Variants in ARHGEF11 observed in about 807,000 individuals in gnomAD.
The protein encoded by ARHGEF11 is Rho guanine nucleotide exchange factor 11, also known as Rho guanine exchange factor (GEF) 11.
A neutral mutation model predicts 193.7 loss-of-function variants in ARHGEF11; 55 were observed. The observed-to-expected ratio is 0.28, with a 90% confidence interval of 0.23 to 0.36. The LOEUF is 0.36. Among genes scored for constraint, ARHGEF11 ranks in the 10% least tolerant of loss-of-function variants. The pLI, the probability that ARHGEF11 is intolerant of heterozygous loss-of-function variation, is 1.00. For missense variants in ARHGEF11, 1,723 were observed against 2,005.6 expected, an observed-to-expected ratio of 0.86 and a Z score of 2.69; for synonymous variants, 693 against 768.0, an observed-to-expected ratio of 0.90 and a Z score of 1.62.
At chr1:157,043,935 T>C (rs1379135202) in intron 1 of ARHGEF11, among the ~76,000 whole-genome samples, 1 of 152,052 alleles carries the variant, frequency 6.6e-6, no homozygotes, top group African/African-American at 2.4e-5. Flanking sequence ...CTAAAGCCAG[T>C]CCCCCTAGTG....
chr1:156,986,146 A>T lies in ARHGEF11; in HGVS notation c.60T>A (p.Asp20Glu). The change falls in exon 2 of 41, where the codon GAT becomes GAA. Residue 20 changes from aspartate (D) to glutamate (E), a missense_variant. By Grantham distance (45) the Asp-to-Glu change is conservative. Around this residue, in one of 5 missense-constraint regions of ARHGEF11, gnomAD observed 646 missense variants for 710.7 expected, o/e 0.91. Transcript: ENST00000368194. The stretch of plus-strand genomic sequence containing the variant: ...AAGGGGACTTGCGCTCTGGTGCAGA[A>T]TCTCCCAGAGAAGACAGGCTACTTA... ...DRLSSLSSLG[D>E]SAPERKSPSH... 7 of 1,613,934 alleles carry T rather than the reference A, an allele frequency of 4.3e-6. No individual in the cohort carries two copies. Among genetic ancestry groups the T allele is most frequent in the Non-Finnish European group, 5.9e-6 (7 of 1,179,872 alleles).
Position 156,937,309 on chromosome 1 carries a change from CCT to C in ARHGEF11, c.4378_4379del (p.Arg1460GlyfsTer10), listed in dbSNP as rs1447847672. On this transcript the variant is annotated frameshift_variant, in exon 39 of 41. Coordinates refer to ENST00000368194, the MANE Select transcript of ARHGEF11 (RefSeq NM_198236.3). LOFTEE classifies it high-confidence loss of function. ...PSRSPPSLAL[R>X]DVGMIFHTIE... is the part of the protein sequence containing the mutation. Reference sequence around the variant, plus strand: ...TGGTATGGAAGATCATGCCCACGTCCCTGAGGGCCAGGCTTGGAGGAGAGCGG... The same window carrying C: ...TGGTATGGAAGATCATGCCCACGTCCGAGGGCCAGGCTTGGAGGAGAGCGG... The C allele has an allele frequency of 6.2e-7, 1 of 1,613,814 alleles. No homozygotes were observed. Among genetic ancestry groups the C allele is most frequent in the Non-Finnish European group, 8.5e-7 (1 of 1,179,944 alleles).
At position 156,937,362 on chromosome 1, in the gene ARHGEF11, C is replaced by T; in HGVS notation, c.4327G>A (p.Gly1443Ser). The T allele has an allele frequency of 6.2e-7, 1 of 1,611,736 alleles. No homozygotes were observed. Among genetic ancestry groups the T allele is most frequent in the Non-Finnish European group, 8.5e-7 (1 of 1,178,876 alleles). The change falls in exon 39 of 41, where the codon GGC becomes AGC. Residue 1443 changes from glycine (G) to serine (S), a missense_variant. Physicochemically the swap from Gly to Ser is moderately conservative, Grantham distance 56 (BLOSUM62 0). Coordinates refer to ENST00000368194, the MANE Select transcript of ARHGEF11 (RefSeq NM_198236.3). ...CTGGGGCGTCTTGGATCATCGTTGC[C>T]TCCCTGCAGCTGAGGCTGAGGCTCT... ...QTEPQPQLQG[G>S]NDDPRRPSRS...
chr1:156,937,095 G>A, intron 39 of ARHGEF11, 90 bp from the exon 40 acceptor site: 1 of 1,567,400 alleles, frequency 6.4e-7, no homozygotes, highest in Non-Finnish European at 8.7e-7. Flanking sequence ...TGGGGAGGAG[G>A]GTGTGATTTA....
intron 1 of ARHGEF11, among the ~76,000 whole-genome samples, chr1:157,017,139 C>T (rs866770169): frequency 1.3e-5 from 2 of 152,224 alleles, no homozygotes; most frequent in Non-Finnish European, 1.5e-5. Flanking sequence ...TGGAACTTCC[C>T]CAGATAGCTC....
chr1:156,952,701 T>C (rs1659300116), intron 21 of ARHGEF11, among the ~76,000 whole-genome samples: 1 of 152,286 alleles, frequency 6.6e-6, no homozygotes. Flanking sequence ...GCTGCTGTCT[T>C]CACAGTTTAC....
chr1:156,967,955 G>C (rs1357250925), intron 11 of ARHGEF11, 32 bp downstream of exon 11: 2 of 1,612,978 alleles, frequency 1.2e-6, no homozygotes, highest in Non-Finnish European at 1.7e-6. Flanking sequence ...TCTGAGAAAA[G>C]GAAAACTGCA....
At chr1:156,981,477 GGTTT>G (rs375330781) in intron 3 of ARHGEF11, among the ~76,000 whole-genome samples, 125 of 152,144 alleles carry the variant, frequency 8.2e-4, no homozygotes, top group African/African-American at 2.8e-3. Context: ...ACCACAATAT[GGTTT>G]GTTTGTTTGT....
At chr1:157,018,988 T>A (rs1669633291) in intron 1 of ARHGEF11, among the ~76,000 whole-genome samples, 1 of 152,176 alleles carries the variant, frequency 6.6e-6, no homozygotes, top group Non-Finnish European at 1.5e-5. Context: ...TAACGAAGAA[T>A]AAATCACAGA....
intron 1 of ARHGEF11, among the ~76,000 whole-genome samples, chr1:156,998,067 C>G (rs998541777): frequency 6.6e-6 from 1 of 152,142 alleles, no homozygotes; most frequent in Non-Finnish European, 1.5e-5. Flanking sequence ...TCCCACAGCA[C>G]CTGGTATATA....
chr1:157,028,468 T>TA (rs1340439679), intron 1 of ARHGEF11, among the ~76,000 whole-genome samples: 1 of 152,154 alleles, frequency 6.6e-6, no homozygotes, highest in African/African-American at 2.4e-5. Context: ...TGATTCAACA[T>TA]AAAAGTCATA....
intron 11 of ARHGEF11, among the ~76,000 whole-genome samples, chr1:156,965,393 G>A (rs1332599533): frequency 6.6e-6 from 1 of 152,188 alleles, no homozygotes; most frequent in African/African-American, 2.4e-5. Flanking sequence ...TGGGGACCAG[G>A]AGAACTAAAT....
rs1430317665 is a variant in ARHGEF11 at position 156,963,269 on chromosome 1, C to T, written c.1074G>A (p.Lys358=). 3 of 1,614,070 alleles carry T rather than the reference C, an allele frequency of 1.9e-6. No homozygotes were observed. In the Admixed American group the frequency reaches 5.0e-5, roughly 27 times the overall value. The change falls in exon 13 of 41, where the codon AAG becomes AAA. Residue 358 remains lysine, a synonymous_variant. Coordinates refer to ENST00000368194, the MANE Select transcript of ARHGEF11 (RefSeq NM_198236.3). Reference sequence around the variant, plus strand: ...AAACCCCCAGGTGAGCTGGCCGAGACTTCAGTTTCTCCAGATCCTGGAATA... The same window carrying T: ...AAACCCCCAGGTGAGCTGGCCGAGATTTCAGTTTCTCCAGATCCTGGAATA... ...DIIFQDLEKL[K]SRPAHLGVFL...
intron 3 of ARHGEF11, among the ~76,000 whole-genome samples, chr1:156,982,474 CTT>C (rs143382687): frequency 1.0e-3 from 159 of 152,312 alleles, no homozygotes; most frequent in African/African-American, 3.3e-3. Flanking sequence ...CTTTGTTACT[CTT>C]GTGACTTCAA....
At chr1:156,988,865 T>C (rs1186902997) in intron 1 of ARHGEF11, among the ~76,000 whole-genome samples, 1 of 152,042 alleles carries the variant, frequency 6.6e-6, no homozygotes, top group Non-Finnish European at 1.5e-5. Flanking sequence ...GAGGAAGAAA[T>C]GCCTATGGAA....
intron 1 of ARHGEF11, among the ~76,000 whole-genome samples, chr1:157,041,683 C>A (rs1353296819): frequency 6.6e-6 from 1 of 152,214 alleles, no homozygotes; most frequent in Non-Finnish European, 1.5e-5. Flanking sequence ...CTCTAACATT[C>A]ATTTGTCAAA....
Position 156,942,761 on chromosome 1 carries a change from G to T in ARHGEF11, c.3255C>A (p.Ile1085=). 6.2e-7 allele frequency: 1 copy of T among 1,614,146 alleles called. No individual in the cohort carries two copies. The highest frequency in any genetic ancestry group is 8.5e-7 in the Non-Finnish European group (1 of 1,179,956). The part of the protein sequence containing the change: ...SVATDKRAFF[I]ICTSKLGPPQ... The stretch of plus-strand genomic sequence containing the variant: ...GTGGGCCCAGCTTGGAGGTGCAGAT[G>T]ATGAAGAAGGCCCGTTTATCTGTGT... Residue 1085 remains isoleucine, a synonymous_variant, in exon 33 of 41, where the codon ATC becomes ATA. Transcript: ENST00000368194.
chr1:157,018,517 C>T (rs561287517), intron 1 of ARHGEF11, among the ~76,000 whole-genome samples: 11 of 151,892 alleles, frequency 7.2e-5, no homozygotes, highest in South Asian at 2.1e-4. Context: ...TGGTGTCGGG[C>T]GCCTGTAGTC....
At chr1:157,016,930 G>T (rs1231275560) in intron 1 of ARHGEF11, among the ~76,000 whole-genome samples, 1 of 151,954 alleles carries the variant, frequency 6.6e-6, no homozygotes, top group African/African-American at 2.4e-5. Context: ...TCCCACCTCA[G>T]CCCCCAAGTA....
Sources: gnomAD v4.1 joint callset for allele counts (sites outside exome capture counted in the v4.1 genomes callset) on GRCh38, gnomAD v4.1.1 for gene constraint, gnomAD v4.1.1 regional missense constraint, MANE v1.5 for transcripts, NCBI Gene and HGNC (gene_info 2026-07-23, HGNC 2026-07-21) for gene names.